The following GALNTL6 variants were observed in gnomAD, a reference collection of about 807,000 sequenced individuals.
The protein encoded by GALNTL6 is polypeptide N-acetylgalactosaminyltransferase-like 6.
In GALNTL6, 46 loss-of-function variants were observed where a neutral mutation model predicts 73.7. That is an observed-to-expected ratio of 0.62 (90% CI 0.49 to 0.80). The LOEUF (loss-of-function observed/expected upper bound fraction) is 0.80. Among genes scored for constraint, GALNTL6 ranks in the 30% least tolerant of loss-of-function variants. GALNTL6 has a pLI of 0.00. For missense variants in GALNTL6, 604 were observed against 755.0 expected, an observed-to-expected ratio of 0.80 and a Z score of 2.34; for synonymous variants, 259 against 263.7, an observed-to-expected ratio of 0.98 and a Z score of 0.17.
chr4:172,487,303 T>TTCC (rs1561106767), intron 5 of GALNTL6, among the ~76,000 whole-genome samples: 2,790 of 70,634 alleles, frequency 0.039, 71 homozygotes, highest in East Asian at 0.086. Context: ...TCCTTCTGTC[T>TTCC]TTCTTTCTTT....
chr4:172,577,495 C>G (rs113651874), intron 5 of GALNTL6, among the ~76,000 whole-genome samples: 86 of 152,314 alleles, frequency 5.6e-4, no homozygotes, highest in African/African-American at 2.0e-3. Context: ...GAACGCCCCA[C>G]AGGTCCCTTG....
At chr4:172,419,700 T>C (rs1730982979) in intron 5 of GALNTL6, among the ~76,000 whole-genome samples, 1 of 152,174 alleles carries the variant, frequency 6.6e-6, no homozygotes, top group Admixed American at 6.6e-5. Flanking sequence ...TGTAATTCTG[T>C]TGCACACTGT....
intron 10 of GALNTL6, among the ~76,000 whole-genome samples, chr4:173,001,095 T>G (rs35986726): frequency 0.051 from 7,719 of 152,178 alleles, 285 homozygotes; most frequent in Non-Finnish European, 0.08. Flanking sequence ...GAAACCAGCA[T>G]GATATGTTAA....
chr4:172,864,028 G>A (rs546577151), intron 7 of GALNTL6, among the ~76,000 whole-genome samples: 1 of 152,242 alleles, frequency 6.6e-6, no homozygotes, highest in East Asian at 1.9e-4. Context: ...CCCTGCACAT[G>A]CTCCCTCTTG....
chr4:172,583,920 A>AAAAAAAAT (rs1553962815), intron 5 of GALNTL6, among the ~76,000 whole-genome samples: 2 of 135,498 alleles, frequency 1.5e-5, no homozygotes. Context: ...AAAAAAAAAA[A>AAAAAAAAT]TCAGATGCTG....
intron 2 of GALNTL6, among the ~76,000 whole-genome samples, chr4:171,957,393 C>T (rs1452303689): frequency 6.6e-6 from 1 of 152,086 alleles, no homozygotes; most frequent in Non-Finnish European, 1.5e-5. Flanking sequence ...CTTTAAAACC[C>T]AAGGAAACAT....
At chr4:172,642,447 G>A (rs1032058626) in intron 5 of GALNTL6, among the ~76,000 whole-genome samples, 1 of 151,958 alleles carries the variant, frequency 6.6e-6, no homozygotes, top group Non-Finnish European at 1.5e-5. Context: ...AGATAAGCCT[G>A]GAGGACATTA....
At chr4:172,310,888 TATA>T (rs1396072716) in intron 3 of GALNTL6, among the ~76,000 whole-genome samples, 2 of 151,920 alleles carry the variant, frequency 1.3e-5, no homozygotes, top group Non-Finnish European at 2.9e-5. Flanking sequence ...TTAACAAAAA[TATA>T]ATAAATATAG....
chr4:172,302,529 T>C (rs1578931670), intron 3 of GALNTL6, among the ~76,000 whole-genome samples: 3 of 152,266 alleles, frequency 2.0e-5, no homozygotes, highest in Admixed American at 2.0e-4. Context: ...CTTGCTAATA[T>C]TTTTTAAGGA....
chr4:172,529,611 A>G (rs545727646), intron 5 of GALNTL6, among the ~76,000 whole-genome samples: 62 of 152,140 alleles, frequency 4.1e-4, no homozygotes, highest in Middle Eastern at 3.4e-3. Context: ...TTTTTGTCTT[A>G]TGTGTATTAT....
At chr4:172,339,430 C>T (rs1741479264) in intron 4 of GALNTL6, among the ~76,000 whole-genome samples, 1 of 152,094 alleles carries the variant, frequency 6.6e-6, no homozygotes, top group African/African-American at 2.4e-5. Context: ...AGTGCCTACT[C>T]CTGGGGCACT....
intron 10 of GALNTL6, among the ~76,000 whole-genome samples, chr4:172,971,790 G>A (rs1750595887): frequency 6.6e-6 from 1 of 152,068 alleles, no homozygotes; most frequent in Admixed American, 6.6e-5. Flanking sequence ...ATTGGAAAGA[G>A]AAAACAGGCC....
chr4:172,478,913 G>T (rs1270241572), intron 5 of GALNTL6, among the ~76,000 whole-genome samples: 2 of 152,188 alleles, frequency 1.3e-5, no homozygotes, highest in South Asian at 2.1e-4. Context: ...GTGAAAAAAT[G>T]CTCAACATCA....
intron 2 of GALNTL6, among the ~76,000 whole-genome samples, chr4:171,942,371 C>T (rs1738577973): frequency 6.6e-6 from 1 of 152,058 alleles, no homozygotes; most frequent in Admixed American, 6.6e-5. Context: ...CTACTGCATG[C>T]CATGTAGCCA....
Position 172,748,426 on chromosome 4 carries a change from A to G in GALNTL6, c.554-60935A>G, listed in dbSNP as rs545637633. Among the ~76,000 whole-genome samples, 56 of 152,348 alleles carry G rather than the reference A, an allele frequency of 3.7e-4. 2 individuals carry two copies. Among genetic ancestry groups the G allele is most frequent in the Admixed American group, 3.7e-3 (56 of 15,300 alleles). ...CACACAGACATGGAGATAACATGCA[A>G]ACTCACTCCACGCAGACAGACAGTG... On this transcript the variant is annotated intron_variant, in intron 5 of 12. Coordinates refer to ENST00000506823, the MANE Select transcript of GALNTL6 (RefSeq NM_001034845.3).
chr4:172,592,815 G>A (rs1737705211), intron 5 of GALNTL6, among the ~76,000 whole-genome samples: 1 of 152,026 alleles, frequency 6.6e-6, no homozygotes, highest in African/African-American at 2.4e-5. Context: ...TTGCTATTGA[G>A]TTTGACATTT....
At chr4:172,318,724 A>G (rs1460413664) in intron 4 of GALNTL6, among the ~76,000 whole-genome samples, 1 of 145,282 alleles carries the variant, frequency 6.9e-6, no homozygotes, top group African/African-American at 2.6e-5. Context: ...AAAAAAACCA[A>G]CAACAACAAA....
chr4:172,556,966 G>A (rs990025110), intron 5 of GALNTL6, among the ~76,000 whole-genome samples: 1 of 152,026 alleles, frequency 6.6e-6, no homozygotes, highest in East Asian at 1.9e-4. Context: ...TTCTATTATA[G>A]AGATTTAGTT....
chr4:172,321,582 T>C (rs970375083), intron 4 of GALNTL6, among the ~76,000 whole-genome samples: 1 of 152,108 alleles, frequency 6.6e-6, no homozygotes, highest in African/African-American at 2.4e-5. Flanking sequence ...TAAGATAATG[T>C]TTCATTAAAT....
Sources: allele counts gnomAD v4.1 joint callset (sites outside exome capture counted in the v4.1 genomes callset), GRCh38; gene constraint gnomAD v4.1.1; transcripts MANE v1.5; gene names NCBI Gene and HGNC (gene_info 2026-07-23, HGNC 2026-07-21).